The following HPN variants were observed in gnomAD, a reference collection of about 807,000 sequenced individuals.
HPN encodes the protein serine protease hepsin.
Under a neutral mutation model 55.9 loss-of-function variants are expected in HPN, and 13 were observed. The observed-to-expected ratio is 0.23, with a 90% CI of 0.15 to 0.37. The LOEUF (loss-of-function observed/expected upper bound fraction) is 0.37, where lower values mean the gene tolerates loss of function less well. Among genes scored for constraint, HPN ranks in the 10% least tolerant of loss-of-function variants. The pLI is 1.00. For synonymous variants in HPN, 225 were observed against 240.3 expected (o/e 0.94, Z 0.59); for missense variants, 451 against 575.8 (o/e 0.78, Z 2.22).
chr19:35,066,166 T>A, intron 12 of HPN, 83 bp from the exon 13 acceptor site: 1 of 1,613,558 alleles, frequency 6.2e-7, no homozygotes, highest in Non-Finnish European at 8.5e-7. Context: ...AGATGGACTT[T>A]GAAGGGTTCC....
chr19:35,049,021 A>G (rs1048280191), intron 2 of HPN, among the ~76,000 whole-genome samples: 1 of 152,224 alleles, frequency 6.6e-6, no homozygotes, highest in Non-Finnish European at 1.5e-5. Context: ...AAGTGCCAGG[A>G]AAGTGCAGGG....
rs542254351 is a variant in HPN at position 35,045,079 on chromosome 19, G to A, written c.16+2557G>A. ...GGAGACATTCTGGGACCTGGTAGGGGCAAAGGGACTAGGAGGTCCCAGGGA... is the reference window on the plus strand; with the variant it reads ...GGAGACATTCTGGGACCTGGTAGGGACAAAGGGACTAGGAGGTCCCAGGGA... On this transcript the variant is annotated intron_variant, in intron 2 of 12. Coordinates refer to ENST00000672452, the MANE Select transcript of HPN (RefSeq NM_001384133.1). 3.3e-5 allele frequency among the ~76,000 whole-genome samples: 5 copies of A among 152,194 alleles called. No individual in the cohort carries two copies. The South Asian group carries it at 8.3e-4, about 25-fold the overall frequency.
At chr19:35,060,596 G>C (rs1473551091) in intron 8 of HPN, 31 bp from the exon 9 acceptor site, 1 of 1,612,696 alleles carries the variant, frequency 6.2e-7, no homozygotes, top group South Asian at 1.1e-5. Flanking sequence ...TGCCCAGGCA[G>C]GTGGCCACCC....
At chr19:35,050,648 C>A in intron 4 of HPN, 2 of 626,986 alleles carry the variant, frequency 3.2e-6, no homozygotes, top group Admixed American at 3.7e-5. Flanking sequence ...TGATGCAGGA[C>A]AGCAGGAAAA....
intron 2 of HPN, among the ~76,000 whole-genome samples, chr19:35,045,074 T>G (rs930092630): frequency 5.9e-5 from 9 of 151,644 alleles, no homozygotes; most frequent in African/African-American, 2.2e-4. Context: ...TGGGACCTGG[T>G]AGGGGCAAAG....
At chr19:35,050,930 T>G (rs1376687398) in intron 4 of HPN, among the ~76,000 whole-genome samples, 2 of 142,846 alleles carry the variant, frequency 1.4e-5, no homozygotes, top group East Asian at 4.0e-4. Context: ...TTTTTTTTTT[T>G]TTTTGAGATG....
intron 2 of HPN, among the ~76,000 whole-genome samples, chr19:35,044,678 C>T (rs1459564217): frequency 6.6e-6 from 1 of 152,084 alleles, no homozygotes; most frequent in Non-Finnish European, 1.5e-5. Flanking sequence ...GAAACATACT[C>T]CCAAATCTCT....
intron 9 of HPN, among the ~76,000 whole-genome samples, chr19:35,063,271 T>C (rs1471116601): frequency 1.3e-5 from 2 of 152,254 alleles, no homozygotes; most frequent in African/African-American, 2.4e-5. Context: ...CACTGGAATC[T>C]GTGCTTGTGG....
chr19:35,042,488 A>T lies in HPN; in HGVS notation c.-19A>T. ...GGCCCAGGAGGTCAGCCAGGGAATCATTAACAAGAGGCAGTGACATGGCGC... is the reference window on the plus strand; with the variant it reads ...GGCCCAGGAGGTCAGCCAGGGAATCTTTAACAAGAGGCAGTGACATGGCGC... On this transcript the variant is annotated 5_prime_UTR_variant, in exon 2 of 13. Coordinates refer to ENST00000672452, the MANE Select transcript of HPN (RefSeq NM_001384133.1). The T allele has an allele frequency of 6.2e-7, 1 of 1,607,532 alleles. No individual in the cohort carries two copies. The highest frequency in any genetic ancestry group is 8.5e-7 in the Non-Finnish European group (1 of 1,177,318).
intron 2 of HPN, among the ~76,000 whole-genome samples, chr19:35,047,997 A>G (rs2064358567): frequency 7.3e-6 from 1 of 137,194 alleles, no homozygotes; most frequent in African/African-American, 2.6e-5. Flanking sequence ...CTCAAAAAAA[A>G]AAAAAAGAAA....
intron 2 of HPN, among the ~76,000 whole-genome samples, chr19:35,046,519 A>C (rs1298422114): frequency 6.6e-6 from 1 of 152,220 alleles, no homozygotes; most frequent in African/African-American, 2.4e-5. Context: ...GACCGGGATT[A>C]CAGGCATGAG....
At position 35,065,535 on chromosome 19, in the gene HPN, C is replaced by T. The variant is rs779540950; in HGVS notation, c.908-4C>T. ...TCTGGCCAGCCTTGCCTGCACACCC[C>T]CAGGCCAACAGGCCGGGGTACTCCA... On this transcript the variant is annotated splice_polypyrimidine_tract_variant and splice_region_variant and intron_variant, in intron 10 of 12. Transcript: ENST00000672452. 3 of 1,613,856 alleles carry T rather than the reference C, an allele frequency of 1.9e-6. No individual in the cohort carries two copies. Among genetic ancestry groups the T allele is most frequent in the South Asian group, 2.2e-5 (2 of 91,080 alleles).
At chr19:35,049,435 G>C in intron 3 of HPN, 40 bp from the exon 4 acceptor site, 1 of 1,613,140 alleles carries the variant, frequency 6.2e-7, no homozygotes. Context: ...GGCCCCTGCA[G>C]CCTCCAGCCT....
At chr19:35,044,528 C>T (rs77910540) in intron 2 of HPN, among the ~76,000 whole-genome samples, 248 of 152,276 alleles carry the variant, frequency 1.6e-3, no homozygotes, top group African/African-American at 5.0e-3. Flanking sequence ...AGTACCAGGT[C>T]TCTCCACAAG....
intron 4 of HPN, among the ~76,000 whole-genome samples, chr19:35,051,372 G>A (rs1352394188): frequency 6.6e-6 from 1 of 151,894 alleles, no homozygotes; most frequent in East Asian, 1.9e-4. Flanking sequence ...GCCTCCCAAA[G>A]TGCTGGGACT....
chr19:35,064,270 T>C (rs928583150), intron 9 of HPN, among the ~76,000 whole-genome samples: 6 of 152,290 alleles, frequency 3.9e-5, no homozygotes, highest in African/African-American at 1.4e-4. Context: ...GTGTATTTAT[T>C]ATTATGATTT....
intron 4 of HPN, among the ~76,000 whole-genome samples, chr19:35,050,857 G>C (rs997919056): frequency 6.0e-5 from 9 of 150,038 alleles, no homozygotes; most frequent in Non-Finnish European, 1.2e-4. Flanking sequence ...AACTCATTAA[G>C]TCTTCCCAAC....
At position 35,042,518 on chromosome 19, in the gene HPN, G is replaced by A. The variant is rs138989466; in HGVS notation, c.12G>A (p.Lys4=). Residue 4 remains lysine, a synonymous_variant, in exon 2 of 13, where the codon AAG becomes AAA. Transcript: ENST00000672452. MAQ[K]EGGRTVPCCS... is the part of the protein sequence containing the mutation. The stretch of plus-strand genomic sequence containing the variant: ...CAAGAGGCAGTGACATGGCGCAGAA[G>A]GAGGGTGAGTCCCCTTCCCTGAGCC... 1.2e-6 allele frequency: 2 copies of A among 1,609,256 alleles called. No homozygotes were observed. The highest frequency in any genetic ancestry group is 2.7e-5 in the African/African-American group (2 of 74,882).
At chr19:35,050,366 C>T (rs1400013812) in intron 4 of HPN, 4 of 504,768 alleles carry the variant, frequency 7.9e-6, no homozygotes, top group Non-Finnish European at 1.5e-5. Context: ...TTGTGATCCA[C>T]CCGCCTCGGC....
Sources: allele counts gnomAD v4.1 joint callset (sites outside exome capture counted in the v4.1 genomes callset), GRCh38; gene constraint gnomAD v4.1.1; transcripts MANE v1.5; gene names NCBI Gene and HGNC (gene_info 2026-07-23, HGNC 2026-07-21).